Variants in PPM1K observed in about 807,000 individuals in gnomAD.
The protein encoded by PPM1K is protein phosphatase, Mg2+/Mn2+ dependent 1K, also known as protein phosphatase Mn(2+)-dependent 1K.
In PPM1K, 19 loss-of-function variants were observed where a neutral mutation model predicts 32.6. The observed-to-expected ratio is 0.58, with a 90% CI of 0.41 to 0.86. The LOEUF is 0.86. PPM1K is among the 40% of genes least tolerant of loss of function. The pLI, the probability that PPM1K is intolerant of heterozygous loss-of-function variation, is 0.00. For missense variants in PPM1K, 362 were observed against 461.2 expected (o/e 0.78, Z 1.97); for synonymous variants, 159 against 165.3 (o/e 0.96, Z 0.29).
intron 1 of PPM1K, among the ~76,000 whole-genome samples, chr4:88,281,586 T>C (rs1732009053): frequency 6.6e-6 from 1 of 152,182 alleles, no homozygotes; most frequent in Admixed American, 6.6e-5. Flanking sequence ...AACCACCTAC[T>C]TTAAGGCATA....
At chr4:88,280,202 A>G (rs577190665) in intron 1 of PPM1K, among the ~76,000 whole-genome samples, 1 of 152,294 alleles carries the variant, frequency 6.6e-6, no homozygotes, top group South Asian at 2.1e-4. Flanking sequence ...CAGCCTCCCA[A>G]AGTATTGGAA....
At chr4:88,280,634 A>G (rs1317085976) in intron 1 of PPM1K, among the ~76,000 whole-genome samples, 1 of 152,172 alleles carries the variant, frequency 6.6e-6, no homozygotes, top group Non-Finnish European at 1.5e-5. Flanking sequence ...GTGGTTCCGC[A>G]TGCCTGTAGT....
chr4:88,273,172 GA>G (rs1222051193), intron 3 of PPM1K, among the ~76,000 whole-genome samples: 2 of 152,218 alleles, frequency 1.3e-5, no homozygotes, highest in Non-Finnish European at 2.9e-5. Context: ...TTTCACTTAA[GA>G]AAGTTAATAT....
chr4:88,272,253 T>G (rs918664554), intron 3 of PPM1K, among the ~76,000 whole-genome samples: 1 of 152,214 alleles, frequency 6.6e-6, no homozygotes, highest in Non-Finnish European at 1.5e-5. Flanking sequence ...TTTTTTTCTT[T>G]TGGCTGTCCC....
chr4:88,269,824 T>G (rs1456236745), intron 3 of PPM1K, among the ~76,000 whole-genome samples: 1 of 152,238 alleles, frequency 6.6e-6, no homozygotes, highest in Non-Finnish European at 1.5e-5. Context: ...GGTCACCGTT[T>G]CCTCCATCCA....
chr4:88,275,025 G>C (rs906070579), intron 3 of PPM1K: 1 of 774,710 alleles, frequency 1.3e-6, no homozygotes, highest in Non-Finnish European at 1.6e-6. Flanking sequence ...TACACACTAA[G>C]AGCATCATCT....
chr4:88,264,009 G>C (rs966195365), intron 6 of PPM1K, among the ~76,000 whole-genome samples: 3 of 152,170 alleles, frequency 2.0e-5, no homozygotes, highest in Non-Finnish European at 4.4e-5. Context: ...GGAACACTAT[G>C]CATTCATTAC....
rs1285385882 is a variant in PPM1K, at chr4:88,260,692, A to C, written c.*1903T>G. ...GATTTATCTTCTTCCATTTCCAAAA[A>C]GGTAAGAAGATGTAAATATTTATAT... On this transcript the variant is annotated 3_prime_UTR_variant, in exon 7 of 7. Coordinates refer to ENST00000608933, the MANE Select transcript of PPM1K (RefSeq NM_152542.5). 3 of 152,250 alleles carry C rather than the reference A, an allele frequency of 2.0e-5. No homozygotes were observed. The highest frequency in any genetic ancestry group is 4.4e-5 in the Non-Finnish European group (3 of 68,032). 9.4% of individuals were successfully genotyped at this position (152,250 alleles called of 1,614,324 possible).
intron 4 of PPM1K, 104 bp from the exon 5 acceptor site, chr4:88,268,438 C>A (rs540114300): frequency 1.4e-5 from 18 of 1,318,294 alleles, no homozygotes; most frequent in Non-Finnish European, 1.8e-5. Flanking sequence ...CTGGCTAACA[C>A]GGTGAAACCC....
Position 88,268,266 on chromosome 4 carries a change from G to A in PPM1K, c.776C>T (p.Ala259Val), listed in dbSNP as rs138122527. Residue 259 changes from alanine (A) to valine (V), a missense_variant, in exon 5 of 7, where the codon GCA (alanine) becomes GTA (valine). Ala to Val is a moderately conservative substitution (Grantham distance 64). Transcript: ENST00000608933. ...CAAATCTCCAATACTTCTTGTCATT[G>A]CAAGCCTGCCATTTACGTGAGGCTG... is the stretch of plus-strand genomic sequence containing the variant. ...LGQPHVNGRL[A>V]MTRSIGDLDL... The A allele has an allele frequency of 3.7e-6, 6 of 1,613,904 alleles. No homozygotes were observed. Among genetic ancestry groups the A allele is most frequent in the Non-Finnish European group, 5.1e-6 (6 of 1,179,962 alleles).
At chr4:88,266,407 CTGAT>C (rs200310138) in intron 5 of PPM1K, among the ~76,000 whole-genome samples, 5 of 150,888 alleles carry the variant, frequency 3.3e-5, no homozygotes, top group African/African-American at 1.2e-4. Context: ...GCAGGTGATG[CTGAT>C]TGATTGGGTG....
At chr4:88,275,926 G>A (rs1461477591) in intron 3 of PPM1K, 24 of 985,246 alleles carry the variant, frequency 2.4e-5, no homozygotes, top group Non-Finnish European at 2.9e-5. Flanking sequence ...AAATTCCAAA[G>A]GAATGAAAGA....
In PPM1K at chr4:88,259,803, T is replaced by C. The variant is rs1275771973; in HGVS notation, c.*2792A>G. On this transcript the variant is annotated 3_prime_UTR_variant, in exon 7 of 7. Transcript: ENST00000608933. ...AAGTCTACCCTATATCCCCATCCTA[T>C]AAATTCCTCTTTGTCGAACCTGGCA... 1 of 152,184 alleles carries C rather than the reference T, an allele frequency of 6.6e-6. No homozygotes were observed. Among genetic ancestry groups the C allele is most frequent in the African/African-American group, 2.4e-5 (1 of 41,436 alleles). 9.4% of individuals were successfully genotyped at this position (152,184 alleles called of 1,614,324 possible).
In PPM1K at chr4:88,277,201, G is replaced by T. The variant is rs762013584; in HGVS notation, c.483C>A (p.Thr161=). ...CTTTATCTATTTCTAGAAAAGCCAAGGTCAACAGAGTTTCCAAGTTCTTCT... is the reference window on the plus strand; with the variant it reads ...CTTTATCTATTTCTAGAAAAGCCAATGTCAACAGAGTTTCCAAGTTCTTCT... The part of the protein sequence containing the change: ...PKEKNLETLL[T]LAFLEIDKAF... The change falls in exon 3 of 7, where the codon ACC becomes ACA. Residue 161 remains threonine, a synonymous_variant. Transcript: ENST00000608933. The T allele has an allele frequency of 6.2e-7, 1 of 1,613,996 alleles. No individual in the cohort carries two copies. The highest frequency in any genetic ancestry group is 8.5e-7 in the Non-Finnish European group (1 of 1,179,950).
intron 3 of PPM1K, chr4:88,275,669 A>G (rs7656367): frequency 0.5 from 489,471 of 985,072 alleles, 123,126 homozygotes; most frequent in African/African-American, 0.69. Flanking sequence ...CACACCACCG[A>G]CACTACAGTC....
chr4:88,277,285 C>T (rs781511262), intron 2 of PPM1K, 42 bp from the exon 3 acceptor site: 1 of 1,366,444 alleles, frequency 7.3e-7, no homozygotes, highest in Non-Finnish European at 1.0e-6. Flanking sequence ...AATCATTTTA[C>T]AATAGGTTTT....
intron 5 of PPM1K, among the ~76,000 whole-genome samples, 167 bp downstream of exon 5, chr4:88,268,023 G>A (rs907432459): frequency 6.6e-5 from 10 of 152,184 alleles, no homozygotes; most frequent in African/African-American, 2.4e-4. Flanking sequence ...AATTAGGCCA[G>A]AATAGTAGCA....
chr4:88,271,401 G>A (rs1482978923), intron 3 of PPM1K, among the ~76,000 whole-genome samples: 1 of 152,084 alleles, frequency 6.6e-6, no homozygotes, highest in African/African-American at 2.4e-5. Flanking sequence ...TCCAGTTGAT[G>A]GTATTTTGTA....
intron 5 of PPM1K, among the ~76,000 whole-genome samples, chr4:88,267,203 G>C (rs1731366110): frequency 6.7e-6 from 1 of 149,998 alleles, no homozygotes; most frequent in Admixed American, 6.6e-5. Flanking sequence ...TGATTGATTG[G>C]GTGCAGGTGA....
Sources: gnomAD v4.1 joint callset for allele counts (sites outside exome capture counted in the v4.1 genomes callset) on GRCh38, gnomAD v4.1.1 for gene constraint, MANE v1.5 for transcripts, NCBI Gene and HGNC (gene_info 2026-07-23, HGNC 2026-07-21) for gene names.